Variants in SEPTIN11 observed in about 807,000 individuals in gnomAD.
The protein encoded by SEPTIN11 is septin 11, also known as septin-11.
Under a neutral mutation model 51.4 loss-of-function variants are expected in SEPTIN11, and 25 were observed. The ratio of observed to expected loss-of-function variants is 0.49; its 90% CI spans 0.35 to 0.68. SEPTIN11 has a LOEUF of 0.68. Ranked by LOEUF, SEPTIN11 falls within the 30% of genes least tolerant of loss-of-function variation. The pLI, the probability that SEPTIN11 is intolerant of heterozygous loss-of-function variation, is 0.00. For synonymous variants in SEPTIN11, 174 were observed against 184.1 expected (o/e 0.95, Z 0.44); for missense variants, 381 against 520.8 (o/e 0.73, Z 2.61).
At position 76,958,745 on chromosome 4, in the gene SEPTIN11, G is replaced by T; in HGVS notation, c.27+8815G>T. ...TTGTTGTTAGAATTAATGTTTTATT[G>T]TCACCCAGATGGCAATTAGGTTTAT... On this transcript the variant is annotated intron_variant, in intron 1 of 9. Coordinates refer to ENST00000264893, the MANE Select transcript of SEPTIN11 (RefSeq NM_018243.4). 8.5e-6 allele frequency: 5 copies of T among 589,198 alleles called. No homozygotes were observed. In the South Asian group the frequency reaches 1.1e-4, roughly 13 times the overall value. 36.5% of individuals were successfully genotyped at this position (589,198 alleles called of 1,614,324 possible). A position where few individuals can be genotyped will look rare whatever the true frequency, so the allele number is the denominator to read the frequency against.
At chr4:77,018,286 T>TA (rs1390529071) in intron 5 of SEPTIN11, among the ~76,000 whole-genome samples, 2 of 152,034 alleles carry the variant, frequency 1.3e-5, no homozygotes, top group Non-Finnish European at 2.9e-5. Flanking sequence ...CCGTTTCTAC[T>TA]AAAAATACAA....
At chr4:76,963,191 T>G (rs1024740186) in intron 1 of SEPTIN11, among the ~76,000 whole-genome samples, 6 of 152,096 alleles carry the variant, frequency 3.9e-5, no homozygotes, top group African/African-American at 2.4e-5. Flanking sequence ...CATTTCAGAG[T>G]TTTTTTGGTC....
chr4:76,957,895 T>TTC (rs1721634163), intron 1 of SEPTIN11, among the ~76,000 whole-genome samples: 2 of 152,188 alleles, frequency 1.3e-5, no homozygotes, highest in African/African-American at 4.8e-5. Flanking sequence ...TTTCCTTAAG[T>TTC]TACCTTTTTT....
chr4:77,034,999 A>C lies in SEPTIN11; in HGVS notation c.*487A>C, dbSNP rs1320371246. 2.5e-5 allele frequency: 25 copies of C among 986,054 alleles called. No homozygotes were observed. The highest frequency in any genetic ancestry group is 3.0e-5 in the Non-Finnish European group (25 of 830,202). 61.1% of individuals were successfully genotyped at this position (986,054 alleles called of 1,614,324 possible). ...CTCCACACTTGTCCTAAGCCAAGGTAGATTTGTACGTAGACAGACTGGTGA... is the reference window on the plus strand; with the variant it reads ...CTCCACACTTGTCCTAAGCCAAGGTCGATTTGTACGTAGACAGACTGGTGA... On this transcript the variant is annotated 3_prime_UTR_variant, in exon 10 of 10. Coordinates refer to ENST00000264893, the MANE Select transcript of SEPTIN11 (RefSeq NM_018243.4).
intron 1 of SEPTIN11, chr4:76,972,647 A>G (rs1169526891): frequency 1.3e-5 from 2 of 152,208 alleles, no homozygotes; most frequent in Non-Finnish European, 2.9e-5. Flanking sequence ...TAGATGAAAA[A>G]CAAGCAAGGG....
chr4:77,010,258 T>C (rs774277295), intron 3 of SEPTIN11, among the ~76,000 whole-genome samples: 11 of 152,192 alleles, frequency 7.2e-5, no homozygotes, highest in Non-Finnish European at 4.4e-5. Context: ...TGTGCGGCTG[T>C]ATTATGGTTT....
chr4:77,016,833 A>C (rs1345178050), intron 5 of SEPTIN11, among the ~76,000 whole-genome samples: 1 of 151,268 alleles, frequency 6.6e-6, no homozygotes, highest in Admixed American at 6.6e-5. Context: ...GAGTATAATA[A>C]CTATTTATAT....
At chr4:77,008,969 G>A (rs1724676017) in intron 3 of SEPTIN11, among the ~76,000 whole-genome samples, 1 of 152,226 alleles carries the variant, frequency 6.6e-6, no homozygotes, top group Non-Finnish European at 1.5e-5. Flanking sequence ...TTTGGAGGAA[G>A]AGGCAGATAA....
intron 1 of SEPTIN11, among the ~76,000 whole-genome samples, chr4:76,992,432 T>C (rs1723430945): frequency 6.6e-6 from 1 of 152,230 alleles, no homozygotes; most frequent in Non-Finnish European, 1.5e-5. Flanking sequence ...GCAATGACTA[T>C]GTTCGACAAC....
chr4:77,027,477 T>C (rs929914190), intron 7 of SEPTIN11, among the ~76,000 whole-genome samples: 1 of 152,222 alleles, frequency 6.6e-6, no homozygotes, highest in Non-Finnish European at 1.5e-5. Context: ...TGGTTCATTA[T>C]AGATGTGTGT....
intron 7 of SEPTIN11, among the ~76,000 whole-genome samples, chr4:77,027,846 G>A (rs527286835): frequency 6.6e-6 from 1 of 152,306 alleles, no homozygotes; most frequent in South Asian, 2.1e-4. Context: ...AGATAAAGCT[G>A]AGCTGTAGCA....
chr4:76,978,518 G>T (rs931916567), intron 1 of SEPTIN11, among the ~76,000 whole-genome samples: 17 of 152,078 alleles, frequency 1.1e-4, no homozygotes, highest in African/African-American at 4.1e-4. Context: ...GTAGTGGCCT[G>T]GGCTTTGGAG....
rs1367164487 is a variant in SEPTIN11 at position 77,005,536 on chromosome 4, ATGAAT to A, written c.143-60_143-56del. The A allele has an allele frequency of 6.5e-6, 9 of 1,380,988 alleles. No individual in the cohort carries two copies. In the Middle Eastern group the frequency reaches 7.4e-4, roughly 113 times the overall value. The allele number at this position is 1,380,988 out of a possible 1,614,324, so 85.5% of individuals were successfully genotyped here. ...TAATCATGACTAATAAAAAATACTG[ATGAAT>A]TGAACTGATGTCTGAGAGACATTGA... On this transcript the variant is annotated intron_variant, in intron 2 of 9. Coordinates refer to ENST00000264893, the MANE Select transcript of SEPTIN11 (RefSeq NM_018243.4).
At position 77,029,803 on chromosome 4, in the gene SEPTIN11, CACACATATATACAT is replaced by C. The variant is rs369990152; in HGVS notation, c.1087-968_1087-955del. On this transcript the variant is annotated intron_variant, in intron 8 of 9. Transcript: ENST00000264893. ...ACACATATATATACACACACATATA[CACACATATATACAT>C]ACACATATATATGTGTATATATATA... Among the ~76,000 whole-genome samples, 1,163 of 151,694 alleles carry C rather than the reference CACACATATATACAT, an allele frequency of 7.7e-3. 11 individuals are homozygous for C. The highest frequency in any genetic ancestry group is 0.027 in the African/African-American group (1,098 of 41,240).
In SEPTIN11 at chr4:76,962,018, G is replaced by A. The variant is rs748772389; in HGVS notation, c.27+12088G>A. On this transcript the variant is annotated intron_variant, in intron 1 of 9. Transcript: ENST00000264893. ...AAATGAGATGCTTTGGAAAGTTTTA[G>A]TAAAGGTAAAAAATTTTGCTGAAAT... 2.0e-5 allele frequency among the ~76,000 whole-genome samples: 3 copies of A among 152,170 alleles called. No individual in the cohort carries two copies. The East Asian group carries it at 5.8e-4, about 29-fold the overall frequency.
chr4:77,024,170 G>T lies in SEPTIN11; in HGVS notation c.953+3500G>T, dbSNP rs1216731791. On this transcript the variant is annotated intron_variant, in intron 7 of 9. Coordinates refer to ENST00000264893, the MANE Select transcript of SEPTIN11 (RefSeq NM_018243.4). The surrounding 1 kb of genome is among the most constrained non-coding windows in gnomAD (Gnocchi z 4.2). ...GGAGGAGTAGCGCGCGCACAGAAAC[G>T]CCGTATTCAAGCCTTGGCAGCACAC... 6.6e-6 allele frequency among the ~76,000 whole-genome samples: 1 copy of T among 152,138 alleles called. No individual in the cohort carries two copies. The highest frequency in any genetic ancestry group is 1.5e-5 in the Non-Finnish European group (1 of 68,030).
intron 2 of SEPTIN11, among the ~76,000 whole-genome samples, chr4:77,004,785 A>G (rs1418889811): frequency 6.6e-6 from 1 of 151,804 alleles, no homozygotes; most frequent in East Asian, 1.9e-4. Flanking sequence ...CAACATGGTG[A>G]AACCCCGTCT....
Position 76,971,946 on chromosome 4 carries a change from T to G in SEPTIN11, c.27+22016T>G, listed in dbSNP as rs375652150. On this transcript the variant is annotated intron_variant, in intron 1 of 9. Transcript: ENST00000264893. ...TTTAAAATATGAGGATGTAAGCTAT[T>G]TTTTTAAAAGTAATTGTTAACTAAA... Among the ~76,000 whole-genome samples, 163 of 152,324 alleles carry G rather than the reference T, an allele frequency of 1.1e-3. 2 individuals carry two copies. Among genetic ancestry groups the G allele is most frequent in the African/African-American group, 3.8e-3 (158 of 41,576 alleles).
At chr4:76,967,059 T>C (rs1722063282) in intron 1 of SEPTIN11, among the ~76,000 whole-genome samples, 1 of 152,024 alleles carries the variant, frequency 6.6e-6, no homozygotes, top group Non-Finnish European at 1.5e-5. Flanking sequence ...TAGCCAGGTG[T>C]GGTGGCTCAC....
Sources: allele counts gnomAD v4.1 joint callset (sites outside exome capture counted in the v4.1 genomes callset), GRCh38; gene constraint gnomAD v4.1.1; non-coding constraint Gnocchi (gnomAD v3.1); transcripts MANE v1.5; gene names NCBI Gene and HGNC (gene_info 2026-07-23, HGNC 2026-07-21).